The following EXTL2 variants were observed in gnomAD, a reference collection of about 807,000 sequenced individuals.
The protein encoded by EXTL2 is exostosin-like 2.
In EXTL2, 23 loss-of-function variants were observed where a neutral mutation model predicts 30.7. The ratio of observed to expected loss-of-function variants is 0.75; its 90% CI spans 0.54 to 1.06. EXTL2 has a LOEUF of 1.06. Ranked by LOEUF, EXTL2 falls within the 50% of genes least tolerant of loss-of-function variation. The pLI is 0.00. For missense variants in EXTL2, 352 were observed against 396.3 expected (o/e 0.89, Z 0.95); for synonymous variants, 123 against 133.8 (o/e 0.92, Z 0.56).
At chr1:100,891,538 T>C (rs949499985) in intron 1 of EXTL2, among the ~76,000 whole-genome samples, 4 of 152,140 alleles carry the variant, frequency 2.6e-5, no homozygotes, top group Non-Finnish European at 5.9e-5. Context: ...TTGGTTGGCT[T>C]GTGGATGAAA....
intron 2 of EXTL2, among the ~76,000 whole-genome samples, chr1:100,882,479 C>T (rs1557956592): frequency 6.6e-6 from 1 of 152,252 alleles, no homozygotes. Context: ...GAAAATCCTA[C>T]TGCCATTAGT....
intron 1 of EXTL2, among the ~76,000 whole-genome samples, chr1:100,892,358 G>C (rs181085088): frequency 6.6e-6 from 1 of 152,122 alleles, no homozygotes; most frequent in African/African-American, 2.4e-5. Flanking sequence ...TCTTGCCCTC[G>C]AACATCAGGC....
chr1:100,876,279 T>C (rs1649112687), intron 4 of EXTL2, among the ~76,000 whole-genome samples: 1 of 152,044 alleles, frequency 6.6e-6, no homozygotes. Flanking sequence ...ATTCAAGCTA[T>C]GATTTAGGAA....
chr1:100,891,356 C>A (rs183007373), intron 1 of EXTL2, among the ~76,000 whole-genome samples: 2 of 152,252 alleles, frequency 1.3e-5, no homozygotes, highest in East Asian at 1.9e-4. Flanking sequence ...CTAGACCGAA[C>A]GAATTTATCA....
At chr1:100,890,122 T>G (rs1650303345) in intron 1 of EXTL2, among the ~76,000 whole-genome samples, 1 of 152,226 alleles carries the variant, frequency 6.6e-6, no homozygotes, top group Non-Finnish European at 1.5e-5. Context: ...TCCTCTGAAA[T>G]GTAGACAGAG....
At chr1:100,893,819 A>G (rs1484054751) in intron 1 of EXTL2, among the ~76,000 whole-genome samples, 1 of 152,190 alleles carries the variant, frequency 6.6e-6, no homozygotes, top group Non-Finnish European at 1.5e-5. Flanking sequence ...AGATGTGAAG[A>G]CATCACCATC....
intron 4 of EXTL2, among the ~76,000 whole-genome samples, chr1:100,875,547 G>A (rs1649047020): frequency 6.6e-6 from 1 of 151,908 alleles, no homozygotes; most frequent in South Asian, 2.1e-4. Context: ...GAGGGAAAAG[G>A]GAAAACACTA....
At chr1:100,889,000 G>C in intron 1 of EXTL2, 172 bp from the exon 2 acceptor site, 1 of 391,208 alleles carries the variant, frequency 2.6e-6, no homozygotes, top group Non-Finnish European at 4.6e-6. Context: ...CAATGAGGTA[G>C]ATGATTAATG....
chr1:100,883,746 C>T (rs1234357900), intron 2 of EXTL2, among the ~76,000 whole-genome samples: 2 of 152,176 alleles, frequency 1.3e-5, no homozygotes, highest in African/African-American at 2.4e-5. Context: ...TGGTTTCAGT[C>T]CTCTTAGGTG....
chr1:100,874,370 T>G lies in EXTL2; in HGVS notation c.565A>C (p.Ile189Leu). The change falls in exon 5 of 5, where the codon ATC becomes CTC. Residue 189 changes from isoleucine (I) to leucine (L), a missense_variant. Transcript: ENST00000370114. ...PRKHVSTSSG[I>L]YSYGSFEMQA... ...ATTTCAAAACTTCCATAACTGTAGA[T>G]ACCTGATGAAGTAGAGACGTGCTTT... 6.2e-7 allele frequency: 1 copy of G among 1,612,234 alleles called. No homozygotes were observed. The highest frequency in any genetic ancestry group is 8.5e-7 in the Non-Finnish European group (1 of 1,178,940).
intron 1 of EXTL2, among the ~76,000 whole-genome samples, chr1:100,892,795 A>T (rs1650534325): frequency 6.6e-6 from 1 of 152,218 alleles, no homozygotes; most frequent in Admixed American, 6.5e-5. Flanking sequence ...CTAGATTTAT[A>T]TGAATTTGTA....
Position 100,885,338 on chromosome 1 carries a change from T to C in EXTL2, c.5+3415A>G, listed in dbSNP as rs149062397. On this transcript the variant is annotated intron_variant, in intron 2 of 4. Transcript: ENST00000370114. ...TGGGGGGAAAGCATCATTTGATGGA[T>C]AATATCATCCTTGTGAATTTCCCCA... 5.5e-3 allele frequency among the ~76,000 whole-genome samples: 833 copies of C among 152,348 alleles called. 2 individuals carry two copies. Among genetic ancestry groups the C allele is most frequent in the African/African-American group, 0.019 (808 of 41,582 alleles).
chr1:100,891,650 T>C (rs966140387), intron 1 of EXTL2, among the ~76,000 whole-genome samples: 1 of 152,262 alleles, frequency 6.6e-6, no homozygotes, highest in East Asian at 1.9e-4. Flanking sequence ...TTATCAGAAA[T>C]GCAAAAACCT....
chr1:100,881,412 T>A (rs1162801289), intron 2 of EXTL2, among the ~76,000 whole-genome samples: 3 of 152,266 alleles, frequency 2.0e-5, no homozygotes, highest in African/African-American at 7.2e-5. Context: ...GAATGAGAGA[T>A]ATGAGAAAAA....
Position 100,877,659 on chromosome 1 carries a change from T to C in EXTL2, c.250A>G (p.Asn84Asp), listed in dbSNP as rs748502594. 8 of 1,613,632 alleles carry C rather than the reference T, an allele frequency of 5.0e-6. No individual in the cohort carries two copies. The Admixed American group carries it at 1.3e-4, about 27-fold the overall frequency. ...NRTDLLLKLL[N>D]HYQAVPNLHK... ...AGATTTGGTACAGCCTGATAATGAT[T>C]TAAAAGTTTCAATAAGAGATCTGTT... The change falls in exon 3 of 5, where the codon AAT (asparagine) becomes GAT (aspartate). Residue 84 changes from asparagine (N) to aspartate (D), a missense_variant. Coordinates refer to ENST00000370114, the MANE Select transcript of EXTL2 (RefSeq NM_001033025.3). This position sits in a 1 kb window ranked among gnomAD's most constrained non-coding sequence, Gnocchi z 4.1.
At chr1:100,880,003 G>A (rs1189599100) in intron 2 of EXTL2, among the ~76,000 whole-genome samples, 1 of 152,012 alleles carries the variant, frequency 6.6e-6, no homozygotes, top group Non-Finnish European at 1.5e-5. Context: ...TCAACATTTT[G>A]TTTTTCACTG....
intron 4 of EXTL2, among the ~76,000 whole-genome samples, chr1:100,874,990 T>C (rs1439661070): frequency 1.3e-5 from 2 of 151,974 alleles, no homozygotes; most frequent in Non-Finnish European, 2.9e-5. Flanking sequence ...TATAAATAAA[T>C]GTTTATACTT....
intron 2 of EXTL2, among the ~76,000 whole-genome samples, chr1:100,884,484 A>G (rs1362694754): frequency 6.6e-6 from 1 of 152,214 alleles, no homozygotes; most frequent in Non-Finnish European, 1.5e-5. Context: ...TCTACAACCA[A>G]TGACCAGTTT....
intron 2 of EXTL2, among the ~76,000 whole-genome samples, chr1:100,886,312 G>A (rs1649966850): frequency 6.6e-6 from 1 of 152,232 alleles, no homozygotes; most frequent in African/African-American, 2.4e-5. Context: ...GAATGATGTT[G>A]CTGCAATAGG....
Sources: gnomAD v4.1 joint callset for allele counts (sites outside exome capture counted in the v4.1 genomes callset) on GRCh38, gnomAD v4.1.1 for gene constraint, Gnocchi (gnomAD v3.1) non-coding constraint, MANE v1.5 for transcripts, NCBI Gene and HGNC (gene_info 2026-07-23, HGNC 2026-07-21) for gene names.